Variants in ASTN2 observed in about 807,000 individuals in gnomAD.
ASTN2 encodes astrotactin-2.
In ASTN2, 54 loss-of-function variants were observed where a neutral mutation model predicts 139.8. That is an observed-to-expected ratio of 0.39 (90% CI 0.31 to 0.48). ASTN2 has a LOEUF of 0.48. ASTN2 is among the 20% of genes least tolerant of loss of function. The probability of loss-of-function intolerance (pLI) is 0.95; values close to 1 mark genes in which losing one functional copy is unlikely to be tolerated. For synonymous variants in ASTN2, 756 were observed against 719.5 expected (o/e 1.05, Z -0.81); for missense variants, 1,565 against 1,725.1 (o/e 0.91, Z 1.64).
intron 1 of ASTN2, among the ~76,000 whole-genome samples, chr9:117,362,075 G>A (rs1184143005): frequency 1.3e-5 from 2 of 152,086 alleles, no homozygotes; most frequent in African/African-American, 4.8e-5. Flanking sequence ...CCTGGGTTCA[G>A]GTGATTCTCC....
At chr9:116,731,384 A>AT (rs1254388728) in intron 14 of ASTN2, among the ~76,000 whole-genome samples, 1 of 151,920 alleles carries the variant, frequency 6.6e-6, no homozygotes, top group Non-Finnish European at 1.5e-5. Context: ...CCTAAAAAAA[A>AT]ATTATCATAC....
chr9:116,507,806 C>T (rs1179712387), intron 19 of ASTN2, among the ~76,000 whole-genome samples: 1 of 152,218 alleles, frequency 6.6e-6, no homozygotes, highest in Non-Finnish European at 1.5e-5. Flanking sequence ...CCCACCACTT[C>T]TCTTTCTACT....
At chr9:117,402,197 G>T (rs184007585) in intron 1 of ASTN2, among the ~76,000 whole-genome samples, 15 of 152,262 alleles carry the variant, frequency 9.9e-5, no homozygotes, top group Non-Finnish European at 1.9e-4. Context: ...CTCCTCTGTA[G>T]CTGGGATTAC....
chr9:116,997,372 CAG>C (rs1027795433), intron 7 of ASTN2, among the ~76,000 whole-genome samples: 1 of 152,110 alleles, frequency 6.6e-6, no homozygotes, highest in Non-Finnish European at 1.5e-5. Flanking sequence ...GACTACCAAA[CAG>C]AGATAAAAAG....
intron 20 of ASTN2, among the ~76,000 whole-genome samples, chr9:116,466,174 A>C (rs1848643087): frequency 6.6e-6 from 1 of 152,204 alleles, no homozygotes; most frequent in South Asian, 2.1e-4. Context: ...TGGAAGAGTG[A>C]TAGAGCTGGT....
In ASTN2 at chr9:117,144,660, G is replaced by GTTTTTTTTTTTTTTTTT. The variant is rs71379267; in HGVS notation, c.1016-3199_1016-3183dup. Among the ~76,000 whole-genome samples the GTTTTTTTTTTTTTTTTT allele has an allele frequency of 1.1e-4, 9 of 78,350 alleles. 1 individual carries two copies. The highest frequency in any genetic ancestry group is 4.2e-4 in the African/African-American group (7 of 16,568). 51.4% of individuals were successfully genotyped at this position (78,350 alleles called of 152,430 possible). ...TGACATTTGAGAGGAGTGAACACTA[G>GTTTTTTTTTTTTTTTTT]TTTTTTTTTTTTTTTTTTTTTTTTT... On this transcript the variant is annotated intron_variant, in intron 3 of 22. Coordinates refer to ENST00000313400, the MANE Select transcript of ASTN2 (RefSeq NM_001365068.1).
intron 11 of ASTN2, among the ~76,000 whole-genome samples, chr9:116,846,070 G>A (rs955162079): frequency 4.6e-5 from 7 of 152,168 alleles, no homozygotes; most frequent in African/African-American, 1.7e-4. Context: ...GATGAACCCT[G>A]AGGACATTAT....
chr9:116,699,959 G>A lies in ASTN2; in HGVS notation c.2806+25812C>T. 1 of 582,502 alleles carries A rather than the reference G, an allele frequency of 1.7e-6. No individual in the cohort carries two copies. The highest frequency in any genetic ancestry group is 3.1e-6 in the Non-Finnish European group (1 of 322,934). The allele number at this position is 582,502 out of a possible 1,614,324, so 36.1% of individuals were successfully genotyped here. ...GATGGTGTTAGCTGAAGTTTGATTA[G>A]CAATTAGGCACTTCCAAGGCTTTAG... On this transcript the variant is annotated intron_variant, in intron 16 of 22. Transcript: ENST00000313400. This position sits in a 1 kb window ranked among gnomAD's most constrained non-coding sequence, Gnocchi z 4.2.
intron 12 of ASTN2, among the ~76,000 whole-genome samples, chr9:116,815,450 G>GC (rs1831285122): frequency 6.6e-6 from 1 of 151,994 alleles, no homozygotes; most frequent in South Asian, 2.1e-4. Context: ...GGCCGTGAGT[G>GC]CCCCCACCTT....
intron 7 of ASTN2, among the ~76,000 whole-genome samples, chr9:117,001,111 G>A (rs1837178911): frequency 6.6e-6 from 1 of 152,170 alleles, no homozygotes; most frequent in African/African-American, 2.4e-5. Context: ...TGTTTCAGCT[G>A]TAGCATCTTC....
chr9:116,719,588 C>T (rs1421005493), intron 16 of ASTN2, among the ~76,000 whole-genome samples: 1 of 152,006 alleles, frequency 6.6e-6, no homozygotes, highest in East Asian at 1.9e-4. Flanking sequence ...GGCAAGAGAA[C>T]TAGAATGATA....
At position 116,846,251 on chromosome 9, in the gene ASTN2, A is replaced by C. The variant is rs573815477; in HGVS notation, c.2040+17332T>G. 2.6e-5 allele frequency among the ~76,000 whole-genome samples: 4 copies of C among 152,332 alleles called. No individual in the cohort carries two copies. The South Asian group carries it at 8.3e-4, about 32-fold the overall frequency. On this transcript the variant is annotated intron_variant, in intron 11 of 22. Transcript: ENST00000313400. ...ATGGGTATAGAGTTTCAGTTTTGAG[A>C]GATAAGTGCTGTAGATTGGGTGTAC...
chr9:116,439,408 GCC>G (rs1847771952), intron 22 of ASTN2, among the ~76,000 whole-genome samples: 3 of 139,474 alleles, frequency 2.2e-5, no homozygotes, highest in South Asian at 6.5e-4. Context: ...CACCGTTTTA[GCC>G]GGGATGGTCT....
chr9:116,815,654 A>T (rs1831294019), intron 12 of ASTN2, among the ~76,000 whole-genome samples: 1 of 151,638 alleles, frequency 6.6e-6, no homozygotes, highest in African/African-American at 2.4e-5. Flanking sequence ...AAATATAAAA[A>T]ATTAGTCGGG....
intron 17 of ASTN2, among the ~76,000 whole-genome samples, chr9:116,621,043 T>C (rs1856119289): frequency 1.3e-5 from 2 of 152,196 alleles, no homozygotes. Context: ...TCTCCTGACC[T>C]TCTTTGCACA....
At chr9:116,994,714 G>T (rs1261898357) in intron 7 of ASTN2, among the ~76,000 whole-genome samples, 1 of 152,146 alleles carries the variant, frequency 6.6e-6, no homozygotes, top group Non-Finnish European at 1.5e-5. Context: ...GGACAGTGGA[G>T]TTCTATCACA....
At chr9:116,967,729 C>A (rs897842353) in intron 10 of ASTN2, among the ~76,000 whole-genome samples, 6 of 152,292 alleles carry the variant, frequency 3.9e-5, no homozygotes. Flanking sequence ...CAAGGGCCTT[C>A]CCCCCATACT....
intron 19 of ASTN2, among the ~76,000 whole-genome samples, chr9:116,556,638 A>T (rs551360215): frequency 8.5e-5 from 13 of 152,176 alleles, no homozygotes; most frequent in Non-Finnish European, 1.8e-4. Context: ...GAGGTTGACA[A>T]TGACTCAATT....
At chr9:117,145,391 C>A (rs1830172186) in intron 3 of ASTN2, among the ~76,000 whole-genome samples, 1 of 152,222 alleles carries the variant, frequency 6.6e-6, no homozygotes, top group Non-Finnish European at 1.5e-5. Flanking sequence ...ACCCTTCACC[C>A]TCTGGGCTGT....
Sources: gnomAD v4.1 joint callset for allele counts (sites outside exome capture counted in the v4.1 genomes callset) on GRCh38, gnomAD v4.1.1 for gene constraint, Gnocchi (gnomAD v3.1) non-coding constraint, MANE v1.5 for transcripts, NCBI Gene and HGNC (gene_info 2026-07-23, HGNC 2026-07-21) for gene names.